Variants in UNC13C observed in about 807,000 individuals in gnomAD.
The protein encoded by UNC13C is unc-13 homolog C.
Under a neutral mutation model 245.4 loss-of-function variants are expected in UNC13C, and 174 were observed. The ratio of observed to expected loss-of-function variants is 0.71; its 90% CI spans 0.63 to 0.80. The LOEUF is 0.80. Among genes scored for constraint, UNC13C ranks in the 30% least tolerant of loss-of-function variants. UNC13C has a pLI of 0.00. For missense variants in UNC13C, 2,829 were observed against 2,602.9 expected (o/e 1.09, Z -1.89); for synonymous variants, 992 against 895.1 (o/e 1.11, Z -1.93).
the UNC13C span, among the ~76,000 whole-genome samples, chr15:53,944,937 C>T: frequency 5.3e-5 from 8 of 152,112 alleles, no homozygotes; most frequent in Admixed American, 5.2e-4. Context: ...TTATTTTTTA[C>T]TTTTTAATAA....
intron 29 of UNC13C, among the ~76,000 whole-genome samples, chr15:54,565,595 C>T (rs941436784): frequency 2.6e-5 from 4 of 151,880 alleles, no homozygotes; most frequent in Non-Finnish European, 5.9e-5. Context: ...AGTGAGAGAA[C>T]CAGGTAAGAT....
chr15:53,897,809 A>T, the UNC13C span, among the ~76,000 whole-genome samples: 1 of 152,192 alleles, frequency 6.6e-6, no homozygotes, highest in African/African-American at 2.4e-5. Flanking sequence ...GCTGTAATTT[A>T]AAAAATCCAT....
At chr15:54,121,698 G>A (rs1224755261) in intron 2 of UNC13C, among the ~76,000 whole-genome samples, 1 of 151,850 alleles carries the variant, frequency 6.6e-6, no homozygotes, top group Non-Finnish European at 1.5e-5. Flanking sequence ...ATCTTATCGT[G>A]TTATTGATTC....
At chr15:54,514,722 CT>C (rs1894894120) in intron 24 of UNC13C, among the ~76,000 whole-genome samples, 2 of 152,166 alleles carry the variant, frequency 1.3e-5, no homozygotes, top group South Asian at 4.1e-4. Flanking sequence ...GAATCAGCCT[CT>C]TTTCCCCCTG....
At chr15:54,431,693 T>C (rs999086841) in intron 19 of UNC13C, among the ~76,000 whole-genome samples, 2 of 151,672 alleles carry the variant, frequency 1.3e-5, no homozygotes, top group African/African-American at 2.4e-5. Flanking sequence ...AAAAAACTTC[T>C]GTATAAATTG....
At chr15:54,367,968 A>T (rs1291784226) in intron 17 of UNC13C, among the ~76,000 whole-genome samples, 1 of 152,150 alleles carries the variant, frequency 6.6e-6, no homozygotes. Flanking sequence ...TCTGGAACTC[A>T]GAACAAATGG....
At chr15:54,486,962 A>G (rs921413418) in intron 19 of UNC13C, among the ~76,000 whole-genome samples, 7 of 152,236 alleles carry the variant, frequency 4.6e-5, no homozygotes, top group African/African-American at 1.7e-4. Context: ...GATATAAGCC[A>G]AGATTCAAGT....
At chr15:54,499,993 C>T (rs1894127217) in intron 20 of UNC13C, 86 bp from the exon 21 acceptor site, 13 of 973,036 alleles carry the variant, frequency 1.3e-5, no homozygotes, top group South Asian at 1.2e-4. Flanking sequence ...TTCTAAATTA[C>T]TCTCATATGC....
chr15:54,376,959 A>C (rs1411392498), intron 17 of UNC13C, among the ~76,000 whole-genome samples: 1 of 152,362 alleles, frequency 6.6e-6, no homozygotes, highest in East Asian at 1.9e-4. Context: ...CCTAGATCCA[A>C]TGACAGACAT....
rs1178904475 is a variant in UNC13C, at chr15:54,623,964, A to G, written c.6359+10A>G. 2 of 1,612,642 alleles carry G rather than the reference A, an allele frequency of 1.2e-6. No individual in the cohort carries two copies. The highest frequency in any genetic ancestry group is 1.3e-5 in the African/African-American group (1 of 74,854). The stretch of plus-strand genomic sequence containing the variant: ...ATGAAACATTTCAGTTGTAAGTCAT[A>G]AACCCACCTTACTTATTCTACCAGG... On this transcript the variant is annotated intron_variant, in intron 32 of 32. Coordinates refer to ENST00000260323, the MANE Select transcript of UNC13C (RefSeq NM_001080534.3).
chr15:54,480,760 G>T (rs1199072565), intron 19 of UNC13C, among the ~76,000 whole-genome samples: 1 of 152,018 alleles, frequency 6.6e-6, no homozygotes, highest in African/African-American at 2.4e-5. Context: ...TGCTTTGCAG[G>T]TGTCATGTTT....
At chr15:53,982,035 A>G (rs1252231844) in intron 1 of UNC13C, among the ~76,000 whole-genome samples, 2 of 152,178 alleles carry the variant, frequency 1.3e-5, no homozygotes, top group Non-Finnish European at 2.9e-5. Flanking sequence ...AATAAATGCT[A>G]GATAGAAAGA....
chr15:54,074,152 T>C (rs1898472359), intron 2 of UNC13C, among the ~76,000 whole-genome samples: 1 of 152,228 alleles, frequency 6.6e-6, no homozygotes, highest in Non-Finnish European at 1.5e-5. Flanking sequence ...CCCCATTGCT[T>C]GTTTTTGTCA....
rs537159440 is a variant in UNC13C at position 54,210,791 on chromosome 15, T to C, written c.3072-24239T>C. Among the ~76,000 whole-genome samples the C allele has an allele frequency of 1.1e-4, 17 of 152,248 alleles. No individual in the cohort carries two copies. The East Asian group carries it at 1.2e-3, about 10-fold the overall frequency. ...GTTATTCATGGCAAAGCAGACAGCA[T>C]TGGCTTCTTGTTTGCAATGGTTTCC... On this transcript the variant is annotated intron_variant, in intron 4 of 32. Transcript: ENST00000260323.
chr15:54,015,054 T>C lies in UNC13C; in HGVS notation c.2151T>C (p.Asp717=). 1.2e-6 allele frequency: 2 copies of C among 1,613,030 alleles called. No individual in the cohort carries two copies. The highest frequency in any genetic ancestry group is 8.5e-7 in the Non-Finnish European group (1 of 1,179,532). ...CAGAGAGCTACGACTTAACTCAAGA[T>C]GACAATTCTTCTCCATGCCCTGGCT... The part of the protein sequence containing the change: ...DDSESYDLTQ[D]DNSSPCPGLD... The change falls in exon 2 of 33, where the codon GAT becomes GAC. Residue 717 remains aspartate (D), a synonymous_variant. Transcript: ENST00000260323.
chr15:54,263,069 T>C (rs1330816111), intron 8 of UNC13C, among the ~76,000 whole-genome samples: 4 of 152,166 alleles, frequency 2.6e-5, no homozygotes, highest in African/African-American at 4.8e-5. Flanking sequence ...AAATAGTTTA[T>C]GAGATATTAG....
chr15:54,202,455 T>A (rs1004571267), intron 4 of UNC13C, among the ~76,000 whole-genome samples: 2 of 151,992 alleles, frequency 1.3e-5, no homozygotes, highest in African/African-American at 4.8e-5. Flanking sequence ...AGCATAGTAC[T>A]GGTATAAAAA....
chr15:53,851,631 G>A, the UNC13C span, among the ~76,000 whole-genome samples: 86 of 152,286 alleles, frequency 5.6e-4, no homozygotes, highest in African/African-American at 1.7e-3. Context: ...CAGAGGGGCC[G>A]TGCCCTGTAC....
At chr15:54,486,288 C>CACA (rs1893403280) in intron 19 of UNC13C, among the ~76,000 whole-genome samples, 2 of 149,184 alleles carry the variant, frequency 1.3e-5, no homozygotes, top group African/African-American at 2.5e-5. Context: ...CACACACACA[C>CACA]AATATCAGTG....
Sources: allele counts gnomAD v4.1 joint callset (sites outside exome capture counted in the v4.1 genomes callset), GRCh38; gene constraint gnomAD v4.1.1; transcripts MANE v1.5; gene names NCBI Gene and HGNC (gene_info 2026-07-23, HGNC 2026-07-21).